Variants in ZNF384 observed in about 807,000 individuals in gnomAD.
The protein encoded by ZNF384 is zinc finger protein 384.
A neutral mutation model predicts 65.0 loss-of-function variants in ZNF384; 20 were observed. The ratio of observed to expected loss-of-function variants is 0.31; its 90% CI spans 0.22 to 0.45. The LOEUF (loss-of-function observed/expected upper bound fraction) is 0.45. Ranked by LOEUF, ZNF384 falls within the 20% of genes least tolerant of loss-of-function variation. The pLI, the probability that ZNF384 is intolerant of heterozygous loss-of-function variation, is 1.00. For missense variants in ZNF384, 549 were observed against 769.4 expected (o/e 0.71, Z 3.39); for synonymous variants, 310 against 303.9 (o/e 1.02, Z -0.21).
rs1452329139 is a variant in ZNF384, at chr12:6,689,320, G to A, written c.-288C>T. 6.5e-6 allele frequency: 1 copy of A among 152,710 alleles called. No homozygotes were observed. 9.5% of individuals were successfully genotyped at this position (152,710 alleles called of 1,614,324 possible). A position where few individuals can be genotyped will look rare whatever the true frequency, so the allele number is the denominator to read the frequency against. ...CGAGACACCCGCAGGGCGGGGGCGC[G>A]AGGTAGTGGGTGGCCCCCCCTCCTT... is the stretch of plus-strand genomic sequence containing the variant. On this transcript the variant is annotated 5_prime_UTR_variant, in exon 1 of 12. Transcript: ENST00000683879.
intron 2 of ZNF384, among the ~76,000 whole-genome samples, chr12:6,687,096 G>A (rs1592429927): frequency 6.6e-6 from 1 of 152,160 alleles, no homozygotes; most frequent in Middle Eastern, 3.4e-3. Flanking sequence ...TTTCTCTCAG[G>A]GTCTAAAGAC....
chr12:6,684,967 A>G (rs1957370997), intron 2 of ZNF384, among the ~76,000 whole-genome samples: 1 of 152,284 alleles, frequency 6.6e-6, no homozygotes, highest in East Asian at 1.9e-4. Flanking sequence ...AATCAGGCAC[A>G]TATCAACATT....
In ZNF384 at chr12:6,679,130, C is replaced by G; in HGVS notation, c.120G>C (p.Lys40Asn). Reference protein sequence around the residue: ...NKMKDQLLPEKGCGLAPPHYP... With the variant: ...NKMKDQLLPENGCGLAPPHYP... Reference sequence around the variant, plus strand: ...AGTGAGGTGGGGCCAGACCACAGCCCTTCTCTGGCAACAGCTGATCCTTCA... The same window carrying G: ...AGTGAGGTGGGGCCAGACCACAGCCGTTCTCTGGCAACAGCTGATCCTTCA... The change falls in exon 4 of 12, where the codon AAG (lysine) becomes AAC (asparagine). Residue 40 changes from lysine (K) to asparagine (N), a missense_variant. This residue lies in a region of ZNF384 where 277 missense variants were observed against 337.2 expected (regional missense o/e 0.82). Transcript: ENST00000683879. 6.2e-7 allele frequency: 1 copy of G among 1,608,232 alleles called. No homozygotes were observed. The highest frequency in any genetic ancestry group is 1.1e-5 in the South Asian group (1 of 90,774).
rs1954447504 is a variant in ZNF384, at chr12:6,678,132, G to C, written c.681C>G (p.Thr227=). 2 of 1,610,456 alleles carry C rather than the reference G, an allele frequency of 1.2e-6. No individual in the cohort carries two copies. The highest frequency in any genetic ancestry group is 1.3e-5 in the African/African-American group (1 of 74,868). The change falls in exon 6 of 12, where the codon ACC becomes ACG. Residue 227 remains threonine, a synonymous_variant. Coordinates refer to ENST00000683879, the MANE Select transcript of ZNF384 (RefSeq NM_001385745.1). The surrounding 1 kb of genome is among the most constrained non-coding windows in gnomAD (Gnocchi z 4.9). ...DDDDHQKDGK[T]YRSEGNCGTG... is the part of the protein sequence containing the mutation. ...CCCCTGGCTCTGAGTCTTACCTGTA[G>C]GTCTTGCCGTCTTTCTGATGGTCAT...
intron 7 of ZNF384, among the ~76,000 whole-genome samples, chr12:6,675,702 C>T (rs996089855): frequency 6.6e-6 from 1 of 152,180 alleles, no homozygotes; most frequent in African/African-American, 2.4e-5. Flanking sequence ...CCCTTGGAAG[C>T]ATGCAATGCA....
chr12:6,678,915 C>T lies in ZNF384; in HGVS notation c.304+31G>A, dbSNP rs1350830537. On this transcript the variant is annotated intron_variant, in intron 4 of 11. Coordinates refer to ENST00000683879, the MANE Select transcript of ZNF384 (RefSeq NM_001385745.1). This position sits in a 1 kb window ranked among gnomAD's most constrained non-coding sequence, Gnocchi z 4.9. ...GGGTACTGATCATGGAAGATCAACA[C>T]CTCAGATTGGAGAAGAGCAGAGTTG... 6.2e-7 allele frequency: 1 copy of T among 1,604,294 alleles called. No homozygotes were observed. Among genetic ancestry groups the T allele is most frequent in the Non-Finnish European group, 8.5e-7 (1 of 1,171,914 alleles).
Position 6,667,447 on chromosome 12 carries a change from C to T in ZNF384, c.*267G>A. 1 of 577,304 alleles carries T rather than the reference C, an allele frequency of 1.7e-6. No individual in the cohort carries two copies. The highest frequency in any genetic ancestry group is 3.1e-6 in the Non-Finnish European group (1 of 322,820). The allele number at this position is 577,304 out of a possible 1,614,324, so 35.8% of individuals were successfully genotyped here. On this transcript the variant is annotated 3_prime_UTR_variant, in exon 12 of 12. Transcript: ENST00000683879. ...GCAAATCCTTCCCTTGAGCACCGAC[C>T]CCCAGTTTTAGAAGCTTTGCTTGGG...
Position 6,678,642 on chromosome 12 carries a change from C to T in ZNF384, c.352+21G>A, listed in dbSNP as rs531353731. Reference sequence around the variant, plus strand: ...GTCTCCTAACCCTTGTCCCCACCCCCCTGGTAACAGTGAGATTTACCCCTT... The same window carrying T: ...GTCTCCTAACCCTTGTCCCCACCCCTCTGGTAACAGTGAGATTTACCCCTT... On this transcript the variant is annotated intron_variant, in intron 5 of 11. Transcript: ENST00000683879. This position sits in a 1 kb window ranked among gnomAD's most constrained non-coding sequence, Gnocchi z 4.9. 1 of 1,613,382 alleles carries T rather than the reference C, an allele frequency of 6.2e-7. No homozygotes were observed. Among genetic ancestry groups the T allele is most frequent in the East Asian group, 2.2e-5 (1 of 44,862 alleles).
rs184597681 is a variant in ZNF384, at chr12:6,676,287, C to T, written c.779+880G>A. On this transcript the variant is annotated intron_variant, in intron 7 of 11. Transcript: ENST00000683879. The stretch of plus-strand genomic sequence containing the variant: ...CTGCACACCAGCCTGGGCGACAGAG[C>T]GAGACTCCGTCTCAAAAAAAAAAAA... Among the ~76,000 whole-genome samples, 836 of 151,730 alleles carry T rather than the reference C, an allele frequency of 5.5e-3. 5 individuals carry two copies. The highest frequency in any genetic ancestry group is 7.1e-3 in the Admixed American group (108 of 15,226).
At chr12:6,683,650 A>C (rs1956877097) in intron 2 of ZNF384, among the ~76,000 whole-genome samples, 2 of 147,090 alleles carry the variant, frequency 1.4e-5, no homozygotes, top group African/African-American at 5.2e-5. Context: ...TGACAGAGCA[A>C]GACCCTGTCT....
chr12:6,675,875 G>C (rs969981155), intron 7 of ZNF384, among the ~76,000 whole-genome samples: 2 of 152,176 alleles, frequency 1.3e-5, no homozygotes, highest in African/African-American at 4.8e-5. Context: ...TGGGAACAAA[G>C]AGTGGGAGAT....
In ZNF384 at chr12:6,672,141, C is replaced by A. The variant is rs1951729501; in HGVS notation, c.1187+209G>T. ...TGAATATCATATAGTCACTGCAGCT[C>A]CCCGACGTAGCTCTTGCCCCAGAGA... is the stretch of plus-strand genomic sequence containing the variant. On this transcript the variant is annotated intron_variant, in intron 9 of 11. Transcript: ENST00000683879. This position sits in a 1 kb window ranked among gnomAD's most constrained non-coding sequence, Gnocchi z 4.4. The A allele has an allele frequency of 3.5e-6, 2 of 568,218 alleles. No homozygotes were observed. The highest frequency in any genetic ancestry group is 6.3e-6 in the Non-Finnish European group (2 of 318,394). The allele number at this position is 568,218 out of a possible 1,614,324, so 35.2% of individuals were successfully genotyped here. A position where few individuals can be genotyped will look rare whatever the true frequency, so the allele number is the denominator to read the frequency against.
At chr12:6,670,713 C>A (rs143904458) in intron 10 of ZNF384, 47 bp downstream of exon 10, 3 of 1,545,140 alleles carry the variant, frequency 1.9e-6, no homozygotes. Flanking sequence ...ATTCAAATGG[C>A]CCCATGTCTC....
rs1955125905 is a variant in ZNF384 at position 6,679,606 on chromosome 12, T to C, written c.-5-81A>G. On this transcript the variant is annotated intron_variant, in intron 2 of 11. Transcript: ENST00000683879. ...GCAATGGAGAAGGGGAACTGAAGAG[T>C]TCCTGGTCTCCTCTGGCACCTGATC... The C allele has an allele frequency of 2.7e-6, 3 of 1,115,694 alleles. No homozygotes were observed. The South Asian group carries it at 4.0e-5, about 15-fold the overall frequency. 69.1% of individuals were successfully genotyped at this position (1,115,694 alleles called of 1,614,324 possible).
At chr12:6,685,936 T>C (rs538675168) in intron 2 of ZNF384, among the ~76,000 whole-genome samples, 1 of 152,182 alleles carries the variant, frequency 6.6e-6, no homozygotes, top group African/African-American at 2.4e-5. Flanking sequence ...CAAGTATTAA[T>C]AATAGTCGTG....
intron 7 of ZNF384, among the ~76,000 whole-genome samples, chr12:6,675,813 A>C (rs931562018): frequency 6.6e-6 from 1 of 152,202 alleles, no homozygotes; most frequent in Non-Finnish European, 1.5e-5. Flanking sequence ...CTTTGCCTCA[A>C]AACATTTCTA....
chr12:6,677,756 A>G (rs555732671), intron 6 of ZNF384, among the ~76,000 whole-genome samples: 1 of 152,252 alleles, frequency 6.6e-6, no homozygotes, highest in Non-Finnish European at 1.5e-5. Context: ...TGCTTACTAG[A>G]AAGGTTTCTT....
chr12:6,676,676 T>TAAAC (rs1300897531), intron 7 of ZNF384, among the ~76,000 whole-genome samples: 1 of 152,220 alleles, frequency 6.6e-6, no homozygotes, highest in Admixed American at 6.5e-5. Context: ...GGCCTCATTT[T>TAAAC]AAACAAACAC....
At position 6,667,426 on chromosome 12, in the gene ZNF384, A is replaced by G. The variant is rs1485983412; in HGVS notation, c.*288T>C. On this transcript the variant is annotated 3_prime_UTR_variant, in exon 12 of 12. Coordinates refer to ENST00000683879, the MANE Select transcript of ZNF384 (RefSeq NM_001385745.1). ...ACAAGGTTCTATGAGGTCATAGCAAATCCTTCCCTTGAGCACCGACCCCCA... is the reference window on the plus strand; with the variant it reads ...ACAAGGTTCTATGAGGTCATAGCAAGTCCTTCCCTTGAGCACCGACCCCCA... 1 of 542,656 alleles carries G rather than the reference A, an allele frequency of 1.8e-6. No homozygotes were observed. The highest frequency in any genetic ancestry group is 3.3e-6 in the Non-Finnish European group (1 of 301,228). 33.6% of individuals were successfully genotyped at this position (542,656 alleles called of 1,614,324 possible). A position where few individuals can be genotyped will look rare whatever the true frequency, so the allele number is the denominator to read the frequency against.
Sources: gnomAD v4.1 joint callset for allele counts (sites outside exome capture counted in the v4.1 genomes callset) on GRCh38, gnomAD v4.1.1 for gene constraint, gnomAD v4.1.1 regional missense constraint, Gnocchi (gnomAD v3.1) non-coding constraint, MANE v1.5 for transcripts, NCBI Gene and HGNC (gene_info 2026-07-23, HGNC 2026-07-21) for gene names.